KCNT2: variants seen among roughly 807,000 people sequenced by gnomAD.
KCNT2 encodes potassium channel subfamily T member 2.
KCNT2 carries 67 observed loss-of-function variants against 153.8 expected under a neutral mutation model. The observed-to-expected ratio is 0.44, with a 90% CI of 0.36 to 0.53. KCNT2 has a LOEUF of 0.53. KCNT2 is among the 20% of genes least tolerant of loss of function. The pLI, the probability that KCNT2 is intolerant of heterozygous loss-of-function variation, is 0.00. For synonymous variants in KCNT2, 500 were observed against 458.8 expected (o/e 1.09, Z -1.15); for missense variants, 975 against 1,354.8 (o/e 0.72, Z 4.40).
At chr1:196,596,810 T>G (rs1664142435) in intron 1 of KCNT2, among the ~76,000 whole-genome samples, 1 of 152,114 alleles carries the variant, frequency 6.6e-6, no homozygotes, top group African/African-American at 2.4e-5. Context: ...GAAGCGATCC[T>G]CCTACCTCAG....
intron 8 of KCNT2, among the ~76,000 whole-genome samples, chr1:196,456,591 C>A (rs1434766488): frequency 6.6e-6 from 1 of 151,792 alleles, no homozygotes; most frequent in Non-Finnish European, 1.5e-5. Context: ...TATTTATGCC[C>A]CATTGGGTCT....
intron 13 of KCNT2, among the ~76,000 whole-genome samples, chr1:196,390,539 C>A (rs1008800135): frequency 7.3e-5 from 11 of 151,428 alleles, no homozygotes; most frequent in African/African-American, 2.7e-4. Context: ...ATATCTTTCA[C>A]CTGGACAACT....
chr1:196,544,314 A>G (rs1460504404), intron 1 of KCNT2, among the ~76,000 whole-genome samples: 1 of 151,988 alleles, frequency 6.6e-6, no homozygotes, highest in Admixed American at 6.6e-5. Context: ...ATATTTAATT[A>G]TAGATGTATA....
intron 1 of KCNT2, among the ~76,000 whole-genome samples, chr1:196,509,508 T>C (rs900073107): frequency 6.6e-6 from 1 of 152,062 alleles, no homozygotes; most frequent in African/African-American, 2.4e-5. Flanking sequence ...TTTATAAAGT[T>C]CAAAAAAACT....
chr1:196,302,581 C>T (rs1661285758), intron 22 of KCNT2, among the ~76,000 whole-genome samples: 1 of 152,004 alleles, frequency 6.6e-6, no homozygotes, highest in Admixed American at 6.5e-5. Flanking sequence ...CATTGCCTTC[C>T]TTTAATGTGT....
chr1:196,527,897 T>C (rs143036678), intron 1 of KCNT2, among the ~76,000 whole-genome samples: 47 of 152,334 alleles, frequency 3.1e-4, no homozygotes, highest in African/African-American at 1.1e-3. Flanking sequence ...AAATTTCTTC[T>C]GCCATTTTCC....
chr1:196,547,019 A>G (rs1282364180), intron 1 of KCNT2, among the ~76,000 whole-genome samples: 2 of 152,010 alleles, frequency 1.3e-5, no homozygotes, highest in Admixed American at 6.6e-5. Flanking sequence ...TACAAGAATT[A>G]TCTACAGGAT....
chr1:196,301,591 A>C (rs1661188878), intron 22 of KCNT2, among the ~76,000 whole-genome samples: 1 of 152,190 alleles, frequency 6.6e-6, no homozygotes, highest in Non-Finnish European at 1.5e-5. Flanking sequence ...CTTAATCGTC[A>C]CAAAAGTAAA....
chr1:196,352,166 C>A (rs1239352072), intron 14 of KCNT2, among the ~76,000 whole-genome samples: 2 of 151,842 alleles, frequency 1.3e-5, no homozygotes, highest in African/African-American at 4.8e-5. Flanking sequence ...CTAAAATTCT[C>A]TTTTTTGGTT....
intron 1 of KCNT2, among the ~76,000 whole-genome samples, chr1:196,569,884 G>C (rs79623518): frequency 6.6e-6 from 1 of 152,018 alleles, no homozygotes; most frequent in African/African-American, 2.4e-5. Context: ...AAAAATAAAG[G>C]CATGCTTTTG....
intron 1 of KCNT2, among the ~76,000 whole-genome samples, chr1:196,539,636 T>G (rs1656072056): frequency 6.6e-6 from 1 of 152,130 alleles, no homozygotes; most frequent in African/African-American, 2.4e-5. Flanking sequence ...TTCCCTCACT[T>G]AACTTGACAG....
intron 22 of KCNT2, among the ~76,000 whole-genome samples, chr1:196,292,755 C>T (rs1213478366): frequency 2.2e-5 from 3 of 135,040 alleles, no homozygotes; most frequent in East Asian, 2.2e-4. Flanking sequence ...GAACTTGAAG[C>T]GAGTGGAGAT....
chr1:196,467,930 A>G, intron 6 of KCNT2, 144 bp from the exon 7 acceptor site: 1 of 469,748 alleles, frequency 2.1e-6, no homozygotes, highest in Non-Finnish European at 3.9e-6. Flanking sequence ...CACTCTTAAT[A>G]AAATGTAAGG....
At chr1:196,497,424 A>G (rs2148751598) in intron 1 of KCNT2, among the ~76,000 whole-genome samples, 1 of 152,246 alleles carries the variant, frequency 6.6e-6, no homozygotes, top group Admixed American at 6.5e-5. Flanking sequence ...CAGTATACCA[A>G]CTATTTACAT....
At chr1:196,258,634 A>T (rs1175187565) in intron 25 of KCNT2, 140 bp from the exon 26 acceptor site, 1 of 734,814 alleles carries the variant, frequency 1.4e-6, no homozygotes, top group African/African-American at 1.8e-5. Flanking sequence ...TCAGTCTTTG[A>T]TTCTAATTTT....
At chr1:196,346,096 T>A (rs934295445) in intron 14 of KCNT2, among the ~76,000 whole-genome samples, 1 of 152,102 alleles carries the variant, frequency 6.6e-6, no homozygotes, top group African/African-American at 2.4e-5. Flanking sequence ...ACCTTTTGAA[T>A]GTCTGAAATA....
chr1:196,243,370 C>A (rs1322299503), intron 26 of KCNT2, among the ~76,000 whole-genome samples: 1 of 152,144 alleles, frequency 6.6e-6, no homozygotes, highest in African/African-American at 2.4e-5. Flanking sequence ...AAAACACCTT[C>A]ATAAAAACCA....
chr1:196,342,366 C>A, intron 14 of KCNT2, 138 bp from the exon 15 acceptor site: 1 of 518,050 alleles, frequency 1.9e-6, no homozygotes, highest in Non-Finnish European at 3.1e-6. Context: ...CTGAGTAATG[C>A]TTTGAAGTCT....
At chr1:196,418,857 C>A (rs1312923869) in intron 12 of KCNT2, among the ~76,000 whole-genome samples, 1 of 152,106 alleles carries the variant, frequency 6.6e-6, no homozygotes, top group Admixed American at 6.5e-5. Context: ...AACCCCTGCC[C>A]AGAAGTGGAA....
Sources: allele counts gnomAD v4.1 joint callset (sites outside exome capture counted in the v4.1 genomes callset), GRCh38; gene constraint gnomAD v4.1.1; transcripts MANE v1.5; gene names NCBI Gene and HGNC (gene_info 2026-07-23, HGNC 2026-07-21).